TMTC4: variants seen among roughly 807,000 people sequenced by gnomAD.
The protein encoded by TMTC4 is transmembrane O-mannosyltransferase targeting cadherins 4, also known as protein O-mannosyl-transferase TMTC4.
Under a neutral mutation model 86.0 loss-of-function variants are expected in TMTC4, and 65 were observed. The ratio of observed to expected loss-of-function variants is 0.76; its 90% CI spans 0.62 to 0.93. TMTC4 has a LOEUF of 0.93. Ranked by LOEUF, TMTC4 falls within the 40% of genes least tolerant of loss-of-function variation. TMTC4 has a pLI of 0.00. For missense variants in TMTC4, 866 were observed against 948.1 expected (o/e 0.91, Z 1.14); for synonymous variants, 379 against 382.5 (o/e 0.99, Z 0.11).
chr13:100,629,830 G>A (rs897570191), intron 12 of TMTC4, among the ~76,000 whole-genome samples: 6 of 152,108 alleles, frequency 3.9e-5, no homozygotes, highest in Non-Finnish European at 8.8e-5. Flanking sequence ...TACAGAAAGA[G>A]GAAATATGGA....
chr13:100,667,061 A>T (rs952823195), intron 3 of TMTC4, among the ~76,000 whole-genome samples: 19 of 152,202 alleles, frequency 1.2e-4, no homozygotes, highest in Admixed American at 1.3e-4. Context: ...AGCATGGTTT[A>T]AAAAAGAACT....
At chr13:100,614,708 G>A (rs1878199469) in intron 15 of TMTC4, among the ~76,000 whole-genome samples, 1 of 152,152 alleles carries the variant, frequency 6.6e-6, no homozygotes, top group Non-Finnish European at 1.5e-5. Context: ...ACTAGAAATG[G>A]TAAAGCAGGA....
chr13:100,661,330 T>TAC (rs1885752855), intron 5 of TMTC4, among the ~76,000 whole-genome samples: 1 of 152,244 alleles, frequency 6.6e-6, no homozygotes, highest in South Asian at 2.1e-4. Context: ...CACATTCAGT[T>TAC]ATACCTGTTG....
chr13:100,636,765 TTGATAC>T, intron 9 of TMTC4, 31 bp from the exon 10 acceptor site: 1 of 1,611,542 alleles, frequency 6.2e-7, no homozygotes, highest in Non-Finnish European at 8.5e-7. Context: ...AAACATCTAT[TTGATAC>T]TGAACTTAAA....
Position 100,605,184 on chromosome 13 carries a change from G to A in TMTC4, c.2135-42C>T. 1 of 1,591,324 alleles carries A rather than the reference G, an allele frequency of 6.3e-7. No individual in the cohort carries two copies. On this transcript the variant is annotated intron_variant, in intron 18 of 18. Coordinates refer to ENST00000342624, the MANE Select transcript of TMTC4 (RefSeq NM_032813.5). The surrounding 1 kb of genome is among the most constrained non-coding windows in gnomAD (Gnocchi z 4.3). ...TAAATTTCACTGGGAATGCTTCTGA[G>A]TAACGTGCCGTATTCCTACCCTCTT... is the stretch of plus-strand genomic sequence containing the variant.
rs761039215 is a variant in TMTC4, at chr13:100,636,545, C to T, written c.1189G>A (p.Gly397Ser). 13 of 1,614,156 alleles carry T rather than the reference C, an allele frequency of 8.1e-6. No individual in the cohort carries two copies. The highest frequency in any genetic ancestry group is 1.1e-5 in the Non-Finnish European group (13 of 1,180,044). The change falls in exon 10 of 19, where the codon GGC becomes AGC. Residue 397 changes from glycine (G) to serine (S), a missense_variant. Transcript: ENST00000342624. ...GCTGCCTCTTACCTTCTCTTGTGGC[C>T]GTCTTCAGAGCACAGGGCTTGGCAT... is the stretch of plus-strand genomic sequence containing the variant. ...LICQALCSED[G>S]HKRRILTLGL...
chr13:100,664,310 C>A lies in TMTC4; in HGVS notation c.246G>T (p.Gly82=), dbSNP rs766390046. ...NKDLQAETPL[G]DLWHHDFWGS... Reference sequence around the variant, plus strand: ...CCCAGAAGTCATGATGCCACAGGTCCCCCAGGGGCGTTTCTGCTTGGAGGT... The same window carrying A: ...CCCAGAAGTCATGATGCCACAGGTCACCCAGGGGCGTTTCTGCTTGGAGGT... The change falls in exon 4 of 19, where the codon GGG becomes GGT. Residue 82 remains glycine, a synonymous_variant. Transcript: ENST00000342624. The A allele has an allele frequency of 6.2e-7, 1 of 1,610,782 alleles. No individual in the cohort carries two copies. Among genetic ancestry groups the A allele is most frequent in the Non-Finnish European group, 8.5e-7 (1 of 1,178,352 alleles).
At chr13:100,642,386 TCTAAGCAAATAC>T (rs1883136293) in intron 6 of TMTC4, 75 bp from the exon 7 acceptor site, 1 of 1,495,088 alleles carries the variant, frequency 6.7e-7, no homozygotes, top group Admixed American at 1.7e-5. Flanking sequence ...GAACTAAAAT[TCTAAGCAAATAC>T]CTTAAACAAC....
chr13:100,636,246 CTT>C (rs1047323436), intron 10 of TMTC4, among the ~76,000 whole-genome samples: 1 of 152,146 alleles, frequency 6.6e-6, no homozygotes, highest in Admixed American at 6.5e-5. Context: ...GTAAATTACT[CTT>C]TACCACCTAT....
intron 7 of TMTC4, among the ~76,000 whole-genome samples, chr13:100,641,986 T>G (rs1432023797): frequency 6.6e-6 from 1 of 152,178 alleles, no homozygotes; most frequent in Admixed American, 6.5e-5. Context: ...ATTCACCATT[T>G]CTCCCCAGTT....
chr13:100,644,117 T>A (rs1231039812), intron 6 of TMTC4, among the ~76,000 whole-genome samples: 1 of 144,824 alleles, frequency 6.9e-6, no homozygotes, highest in South Asian at 2.2e-4. Context: ...TTTTTTTTTT[T>A]CTTTTTGAGA....
rs759912069 is a variant in TMTC4 at position 100,670,462 on chromosome 13, G to T, written c.-100C>A. On this transcript the variant is annotated 5_prime_UTR_variant, in exon 2 of 19. Transcript: ENST00000342624. ...AACTCTTCCACTGCTTGTCTCTCGAGCCTCACAGCCTGGCATACGGCATGC... is the reference window on the plus strand; with the variant it reads ...AACTCTTCCACTGCTTGTCTCTCGATCCTCACAGCCTGGCATACGGCATGC... The T allele has an allele frequency of 1.6e-5, 21 of 1,316,592 alleles. No homozygotes were observed. The highest frequency in any genetic ancestry group is 2.1e-5 in the Non-Finnish European group (20 of 956,762). 81.6% of individuals were successfully genotyped at this position (1,316,592 alleles called of 1,614,324 possible).
In TMTC4 at chr13:100,614,302, C is replaced by T. The variant is rs745402048; in HGVS notation, c.1951+14G>A. On this transcript the variant is annotated intron_variant, in intron 16 of 18. Coordinates refer to ENST00000342624, the MANE Select transcript of TMTC4 (RefSeq NM_032813.5). Reference sequence around the variant, plus strand: ...AGCCATTTCCTGTGATTTGTTCCATCCAGCTTTCTGTACCTGTATTGTCGA... The same window carrying T: ...AGCCATTTCCTGTGATTTGTTCCATTCAGCTTTCTGTACCTGTATTGTCGA... 1.9e-6 allele frequency: 3 copies of T among 1,599,748 alleles called. No homozygotes were observed. The highest frequency in any genetic ancestry group is 2.2e-5 in the East Asian group (1 of 44,752).
At position 100,621,475 on chromosome 13, in the gene TMTC4, G is replaced by A. The variant is rs973686414; in HGVS notation, c.1836+4060C>T. Reference sequence around the variant, plus strand: ...GAGTCTTGCTCCGTCGCCCAGGCTGGAGTGCAGTGGCGCCATCTCGGTTCA... The same window carrying A: ...GAGTCTTGCTCCGTCGCCCAGGCTGAAGTGCAGTGGCGCCATCTCGGTTCA... On this transcript the variant is annotated intron_variant, in intron 15 of 18. Transcript: ENST00000342624. 3.9e-5 allele frequency among the ~76,000 whole-genome samples: 6 copies of A among 152,264 alleles called. No individual in the cohort carries two copies. The East Asian group carries it at 5.8e-4, about 15-fold the overall frequency.
At position 100,668,799 on chromosome 13, in the gene TMTC4, A is replaced by C; in HGVS notation, c.4-5T>G. 6.2e-7 allele frequency: 1 copy of C among 1,613,942 alleles called. No individual in the cohort carries two copies. The highest frequency in any genetic ancestry group is 8.5e-7 in the Non-Finnish European group (1 of 1,179,886). ...AGCATTATGCTGGTTAGGAATCTGC[A>C]GGAAAAACAACACTGTATAAATATT... is the stretch of plus-strand genomic sequence containing the variant. On this transcript the variant is annotated splice_region_variant and splice_polypyrimidine_tract_variant and intron_variant, in intron 2 of 18. Coordinates refer to ENST00000342624, the MANE Select transcript of TMTC4 (RefSeq NM_032813.5).
intron 17 of TMTC4, among the ~76,000 whole-genome samples, chr13:100,608,564 G>C (rs1300670637): frequency 1.3e-5 from 2 of 152,210 alleles, no homozygotes; most frequent in African/African-American, 4.8e-5. Context: ...GGCAGCCCCT[G>C]GGCCTGTACC....
intron 5 of TMTC4, 26 bp from the exon 6 acceptor site, chr13:100,656,494 G>A (rs1482480441): frequency 5.9e-6 from 8 of 1,353,906 alleles, no homozygotes; most frequent in East Asian, 2.8e-5. Flanking sequence ...AGAAAACAAA[G>A]AATTACATAA....
intron 15 of TMTC4, among the ~76,000 whole-genome samples, chr13:100,621,881 C>T (rs751549040): frequency 6.6e-6 from 1 of 152,200 alleles, no homozygotes; most frequent in Non-Finnish European, 1.5e-5. Context: ...CCATCCTCCA[C>T]CCCACCCCTA....
intron 5 of TMTC4, among the ~76,000 whole-genome samples, chr13:100,657,446 C>G (rs1167332477): frequency 6.6e-6 from 1 of 152,242 alleles, no homozygotes; most frequent in South Asian, 2.1e-4. Flanking sequence ...CTCTGCCCTT[C>G]CTTTCCTCAG....
Sources: gnomAD v4.1 joint callset for allele counts (sites outside exome capture counted in the v4.1 genomes callset) on GRCh38, gnomAD v4.1.1 for gene constraint, Gnocchi (gnomAD v3.1) non-coding constraint, MANE v1.5 for transcripts, NCBI Gene and HGNC (gene_info 2026-07-23, HGNC 2026-07-21) for gene names.